Variants in CDKN2B-AS1 observed in about 807,000 individuals in gnomAD.
CDKN2B-AS1 encodes the protein CDKN2B and CDKN2A antisense cis and trans regulatory RNA 1, also known as CDKN2B antisense RNA 1 (non-protein coding).
chr9:22,031,912 G>A (rs1265592243), intron 1 of CDKN2B-AS1, among the ~76,000 whole-genome samples: 2 of 152,194 alleles, frequency 1.3e-5, no homozygotes, highest in African/African-American at 2.4e-5. Context: ...ACATGGCAGG[G>A]ACCTGAGGGC....
intron 1 of CDKN2B-AS1, among the ~76,000 whole-genome samples, chr9:22,027,022 G>A (rs905901209): frequency 2.6e-5 from 4 of 152,070 alleles, no homozygotes; most frequent in South Asian, 2.1e-4. Context: ...TCCGTGGGTC[G>A]AGTTGTTTCC....
At chr9:22,075,873 A>C (rs2131322386) in intron 4 of CDKN2B-AS1, among the ~76,000 whole-genome samples, 1 of 152,222 alleles carries the variant, frequency 6.6e-6, no homozygotes, top group South Asian at 2.1e-4. Context: ...AGAGCAGGGA[A>C]ACTATATATT....
intron 4 of CDKN2B-AS1, chr9:22,113,694 C>T (rs1825862002): frequency 6.6e-6 from 1 of 152,112 alleles, no homozygotes; most frequent in African/African-American, 2.4e-5. Context: ...AGATCAAATG[C>T]AATAGCATGT....
intron 4 of CDKN2B-AS1, among the ~76,000 whole-genome samples, chr9:22,068,040 C>T (rs1452886175): frequency 6.6e-6 from 1 of 152,044 alleles, no homozygotes; most frequent in East Asian, 1.9e-4. Flanking sequence ...CTGTGTAGCC[C>T]CGAAGCTTCA....
chr9:22,101,099 T>C (rs1188397114), intron 4 of CDKN2B-AS1, among the ~76,000 whole-genome samples: 1 of 152,224 alleles, frequency 6.6e-6, no homozygotes, highest in Non-Finnish European at 1.5e-5. Flanking sequence ...TATTTCTGTA[T>C]TTATGAAAAT....
intron 4 of CDKN2B-AS1, chr9:22,058,449 A>G (rs185561174): frequency 6.6e-6 from 1 of 152,384 alleles, no homozygotes; most frequent in East Asian, 1.9e-4. Flanking sequence ...TGGAATTATT[A>G]GAAACATTTT....
chr9:22,055,363 C>A (rs1295292173), intron 3 of CDKN2B-AS1, among the ~76,000 whole-genome samples: 1 of 152,048 alleles, frequency 6.6e-6, no homozygotes, highest in Non-Finnish European at 1.5e-5. Context: ...GTCTTTGTAG[C>A]TTAGTTTTAG....
chr9:22,017,039 C>A (rs1821795074), intron 1 of CDKN2B-AS1, among the ~76,000 whole-genome samples: 2 of 152,128 alleles, frequency 1.3e-5, no homozygotes, highest in African/African-American at 4.8e-5. Context: ...ACAATATATT[C>A]CAGTTTTATC....
chr9:22,091,164 T>C lies in CDKN2B-AS1; in HGVS notation n.438+34777T>C, dbSNP rs201981741. ...ATATGTGGCATTATTTCTGAGCGCT[T>C]TGTTCTGTTCCATTGGTCTATATCT... On this transcript the variant is annotated intron_variant and non_coding_transcript_variant, in intron 4 of 4. Coordinates refer to ENST00000650946, the Ensembl canonical transcript of CDKN2B-AS1. 3.3e-5 allele frequency among the ~76,000 whole-genome samples: 5 copies of C among 152,204 alleles called. No homozygotes were observed. In the East Asian group the frequency reaches 5.8e-4, roughly 18 times the overall value.
At chr9:22,023,860 C>T (rs1257456201) in intron 1 of CDKN2B-AS1, among the ~76,000 whole-genome samples, 1 of 152,116 alleles carries the variant, frequency 6.6e-6, no homozygotes, top group Non-Finnish European at 1.5e-5. Context: ...TTTTTAGTTC[C>T]TTTGCATTTT....
At position 22,106,524 on chromosome 9, in the gene CDKN2B-AS1, T is replaced by C. The variant is rs536543575; in HGVS notation, n.439-20579T>C. ...GCGCTACCGTGCCCAGCCCAAGTTG[T>C]CTGACTCTTAATTCTCAGCTTTCTT... is the stretch of plus-strand genomic sequence containing the variant. On this transcript the variant is annotated intron_variant and non_coding_transcript_variant, in intron 4 of 4. Transcript: ENST00000650946. 2.2e-4 allele frequency among the ~76,000 whole-genome samples: 34 copies of C among 152,308 alleles called. 1 individual carries two copies. Among genetic ancestry groups the C allele is most frequent in the Middle Eastern group, 3.4e-3 (1 of 294 alleles).
At chr9:22,089,852 G>A (rs527866268) in intron 4 of CDKN2B-AS1, among the ~76,000 whole-genome samples, 6 of 151,664 alleles carry the variant, frequency 4.0e-5, no homozygotes, top group South Asian at 2.1e-4. Context: ...TATACTTTAC[G>A]TTTTAGGGTA....
intron 4 of CDKN2B-AS1, among the ~76,000 whole-genome samples, chr9:22,082,764 C>CG (rs1824741123): frequency 6.6e-6 from 1 of 152,112 alleles, no homozygotes; most frequent in African/African-American, 2.4e-5. Flanking sequence ...TGAGGATACC[C>CG]GACTCTAGCT....
intron 1 of CDKN2B-AS1, among the ~76,000 whole-genome samples, chr9:22,028,315 G>C (rs555345000): frequency 8.3e-4 from 126 of 152,082 alleles, no homozygotes; most frequent in Non-Finnish European, 1.3e-3. Context: ...GTTCATCTCA[G>C]AAAAACCTTG....
chr9:22,101,580 T>C (rs1013346452), intron 4 of CDKN2B-AS1, among the ~76,000 whole-genome samples: 2 of 152,096 alleles, frequency 1.3e-5, no homozygotes, highest in Non-Finnish European at 1.5e-5. Context: ...TTTTTGATTT[T>C]CAGCTTTCTC....
intron 4 of CDKN2B-AS1, among the ~76,000 whole-genome samples, chr9:22,081,756 A>G (rs1452230460): frequency 6.6e-6 from 1 of 152,222 alleles, no homozygotes; most frequent in Non-Finnish European, 1.5e-5. Flanking sequence ...CAGTTTCCCC[A>G]TCTGGCACCC....
At chr9:21,998,418 G>T (rs1461575004) in intron 1 of CDKN2B-AS1, among the ~76,000 whole-genome samples, 3 of 152,172 alleles carry the variant, frequency 2.0e-5, no homozygotes, top group Non-Finnish European at 4.4e-5. Context: ...GCCTAGAAAG[G>T]CTCAAATCTT....
chr9:22,033,705 A>G (rs1296625553), intron 1 of CDKN2B-AS1, among the ~76,000 whole-genome samples: 29 of 152,184 alleles, frequency 1.9e-4, no homozygotes, highest in Non-Finnish European at 2.9e-5. Flanking sequence ...GTGAGATGCC[A>G]CTTGCTCCAA....
intron 1 of CDKN2B-AS1, chr9:22,012,210 C>G: frequency 2.1e-6 from 3 of 1,404,310 alleles, no homozygotes; most frequent in Non-Finnish European, 2.0e-6. Flanking sequence ...GAGGTCGAGC[C>G]CAGTGACACC....
Sources: allele counts gnomAD v4.1 joint callset (sites outside exome capture counted in the v4.1 genomes callset), GRCh38; gene constraint gnomAD v4.1.1; transcripts MANE v1.5; gene names NCBI Gene and HGNC (gene_info 2026-07-23, HGNC 2026-07-21).